Variants in CACNA2D3 observed in about 807,000 individuals in gnomAD.
CACNA2D3 encodes voltage-dependent calcium channel subunit alpha-2/delta-3.
CACNA2D3 carries 60 observed loss-of-function variants against 160.6 expected under a neutral mutation model. The ratio of observed to expected loss-of-function variants is 0.37; its 90% CI spans 0.30 to 0.46. The LOEUF (loss-of-function observed/expected upper bound fraction) is 0.46. Among genes scored for constraint, CACNA2D3 ranks in the 20% least tolerant of loss-of-function variants. CACNA2D3 has a pLI of 1.00. For missense variants in CACNA2D3, 1,205 were observed against 1,365.0 expected, an observed-to-expected ratio of 0.88 and a Z score of 1.85; for synonymous variants, 558 against 492.9, an observed-to-expected ratio of 1.13 and a Z score of -1.75.
At chr3:54,875,729 T>A (rs1371857981) in intron 18 of CACNA2D3, 1 of 152,170 alleles carries the variant, frequency 6.6e-6, no homozygotes, top group Non-Finnish European at 1.5e-5. Flanking sequence ...GAGAGACACA[T>A]TCACCAGGGG....
chr3:54,162,085 A>G (rs1422815310), intron 2 of CACNA2D3, among the ~76,000 whole-genome samples: 1 of 152,186 alleles, frequency 6.6e-6, no homozygotes, highest in Non-Finnish European at 1.5e-5. Context: ...TCTGAAGGCG[A>G]GGACACTGGG....
chr3:54,457,105 T>C (rs1700412400), intron 4 of CACNA2D3, among the ~76,000 whole-genome samples: 1 of 151,996 alleles, frequency 6.6e-6, no homozygotes, highest in South Asian at 2.1e-4. Flanking sequence ...TTCCATGTAC[T>C]AATTTGGGGT....
chr3:54,617,059 T>C (rs2106797097), intron 9 of CACNA2D3, among the ~76,000 whole-genome samples: 2 of 152,322 alleles, frequency 1.3e-5, no homozygotes, highest in East Asian at 3.9e-4. Context: ...GTGATATCCC[T>C]GGGAAAAGCT....
At chr3:54,814,820 G>T (rs1185748158) in intron 13 of CACNA2D3, among the ~76,000 whole-genome samples, 1 of 152,150 alleles carries the variant, frequency 6.6e-6, no homozygotes, top group Admixed American at 6.5e-5. Flanking sequence ...AAAATAGAGA[G>T]AGAGAGAAAG....
chr3:54,402,316 C>A (rs1362342929), intron 4 of CACNA2D3, among the ~76,000 whole-genome samples: 2 of 152,028 alleles, frequency 1.3e-5, no homozygotes, highest in South Asian at 4.2e-4. Flanking sequence ...GGATTAAATT[C>A]TCCAACCAAA....
At chr3:54,823,457 A>G (rs1703685734) in intron 14 of CACNA2D3, among the ~76,000 whole-genome samples, 1 of 152,124 alleles carries the variant, frequency 6.6e-6, no homozygotes, top group Non-Finnish European at 1.5e-5. Flanking sequence ...ATACCACTAC[A>G]TACCAGTAAC....
intron 27 of CACNA2D3, among the ~76,000 whole-genome samples, chr3:54,966,031 C>A (rs1333236741): frequency 6.6e-6 from 1 of 152,090 alleles, no homozygotes; most frequent in South Asian, 2.1e-4. Flanking sequence ...CCGACAGGGG[C>A]AGATGAGAAC....
intron 17 of CACNA2D3, among the ~76,000 whole-genome samples, chr3:54,859,575 TG>T (rs1699240879): frequency 6.6e-6 from 1 of 152,186 alleles, no homozygotes; most frequent in Non-Finnish European, 1.5e-5. Context: ...CCTGCCCCAG[TG>T]GCCCCCTCCC....
intron 31 of CACNA2D3, among the ~76,000 whole-genome samples, chr3:54,994,947 GAGAA>G (rs1410628715): frequency 1.3e-5 from 2 of 152,104 alleles, no homozygotes; most frequent in Non-Finnish European, 2.9e-5. Context: ...TTAAGAGATA[GAGAA>G]AGAAAGTCTT....
intron 27 of CACNA2D3, among the ~76,000 whole-genome samples, chr3:54,941,643 C>G (rs1181939561): frequency 6.6e-6 from 1 of 152,200 alleles, no homozygotes; most frequent in African/African-American, 2.4e-5. Flanking sequence ...CAACCCATAA[C>G]ATTTAATGGT....
chr3:55,069,620 A>T (rs1704754302), intron 35 of CACNA2D3, among the ~76,000 whole-genome samples: 1 of 152,148 alleles, frequency 6.6e-6, no homozygotes, highest in South Asian at 2.1e-4. Context: ...TAGTTCTAGT[A>T]GTTGGTCAGT....
intron 23 of CACNA2D3, among the ~76,000 whole-genome samples, chr3:54,886,416 A>G (rs965694018): frequency 3.3e-5 from 5 of 152,246 alleles, no homozygotes; most frequent in Admixed American, 2.6e-4. Context: ...TTTTAAGGAC[A>G]TATTTAAAAA....
intron 2 of CACNA2D3, among the ~76,000 whole-genome samples, chr3:54,160,439 G>A (rs914535350): frequency 6.6e-6 from 1 of 152,160 alleles, no homozygotes; most frequent in African/African-American, 2.4e-5. Context: ...GGCAGAGGTT[G>A]CAGTGAGCCA....
At chr3:54,126,254 A>ATAAG (rs1287902423) in intron 2 of CACNA2D3, among the ~76,000 whole-genome samples, 4 of 152,246 alleles carry the variant, frequency 2.6e-5, no homozygotes, top group Non-Finnish European at 5.9e-5. Flanking sequence ...TATTATGAAT[A>ATAAG]TAAGTTAAAT....
chr3:54,678,716 G>C (rs1700285965), intron 11 of CACNA2D3, among the ~76,000 whole-genome samples: 2 of 28,720 alleles, frequency 7.0e-5, no homozygotes, highest in African/African-American at 1.4e-4. Context: ...GTGAGACTCG[G>C]TCTCAAAAAA....
intron 27 of CACNA2D3, among the ~76,000 whole-genome samples, chr3:54,959,659 A>G (rs1327760879): frequency 6.6e-6 from 1 of 152,182 alleles, no homozygotes; most frequent in East Asian, 1.9e-4. Context: ...TTTTTAAAGG[A>G]CATTGATTTG....
At chr3:55,065,392 A>C (rs1704611445) in intron 35 of CACNA2D3, among the ~76,000 whole-genome samples, 1 of 151,842 alleles carries the variant, frequency 6.6e-6, no homozygotes, top group Non-Finnish European at 1.5e-5. Context: ...CCCTACTCCC[A>C]CTCCAAGCTT....
intron 2 of CACNA2D3, among the ~76,000 whole-genome samples, chr3:54,265,969 T>C (rs1702508826): frequency 6.6e-6 from 1 of 152,116 alleles, no homozygotes; most frequent in South Asian, 2.1e-4. Flanking sequence ...TCAAAAGCCT[T>C]CTTAGGTATC....
chr3:54,366,858 A>AT (rs1210225865), intron 3 of CACNA2D3, among the ~76,000 whole-genome samples: 1 of 152,262 alleles, frequency 6.6e-6, no homozygotes, highest in African/African-American at 2.4e-5. Context: ...ATCCCAAATG[A>AT]TTCTGCAATA....
Sources: allele counts gnomAD v4.1 joint callset (sites outside exome capture counted in the v4.1 genomes callset), GRCh38; gene constraint gnomAD v4.1.1; transcripts MANE v1.5; gene names NCBI Gene and HGNC (gene_info 2026-07-23, HGNC 2026-07-21).